Variants in KHDRBS3 observed in about 807,000 individuals in gnomAD.
KHDRBS3 encodes KH domain-containing, RNA-binding, signal transduction-associated protein 3.
KHDRBS3 carries 23 observed loss-of-function variants against 45.6 expected under a neutral mutation model. The observed-to-expected ratio is 0.50, with a 90% CI of 0.36 to 0.72. The LOEUF (loss-of-function observed/expected upper bound fraction) is 0.72. Ranked by LOEUF, KHDRBS3 falls within the 30% of genes least tolerant of loss-of-function variation. KHDRBS3 has a pLI of 0.00. For synonymous variants in KHDRBS3, 162 were observed against 156.5 expected, an observed-to-expected ratio of 1.04 and a Z score of -0.26; for missense variants, 352 against 424.8, an observed-to-expected ratio of 0.83 and a Z score of 1.51.
intron 2 of KHDRBS3, among the ~76,000 whole-genome samples, chr8:135,529,410 C>A (rs1263895028): frequency 6.6e-5 from 10 of 152,166 alleles, no homozygotes. Flanking sequence ...GAATTAAAAT[C>A]TTAACGTTTG....
rs186386214 is a variant in KHDRBS3 at position 135,509,866 on chromosome 8, G to T, written c.89-11371G>T. 2.0e-5 allele frequency among the ~76,000 whole-genome samples: 3 copies of T among 151,670 alleles called. No individual in the cohort carries two copies. The East Asian group carries it at 5.8e-4, about 29-fold the overall frequency. On this transcript the variant is annotated intron_variant, in intron 1 of 8. Transcript: ENST00000355849. ...GAATTTTTAAATGTATCTGGATTTGGTTCTCTGGAATCATTTTGGTGTCAC... is the reference window on the plus strand; with the variant it reads ...GAATTTTTAAATGTATCTGGATTTGTTTCTCTGGAATCATTTTGGTGTCAC...
chr8:135,642,926 GGGA>G (rs1831125210), intron 7 of KHDRBS3, among the ~76,000 whole-genome samples: 1 of 151,922 alleles, frequency 6.6e-6, no homozygotes, highest in African/African-American at 2.4e-5. Flanking sequence ...CCAAGTAGCT[GGGA>G]CTACAGACGT....
At chr8:135,528,254 A>T (rs1486695906) in intron 2 of KHDRBS3, among the ~76,000 whole-genome samples, 3 of 152,184 alleles carry the variant, frequency 2.0e-5, no homozygotes, top group African/African-American at 7.2e-5. Context: ...AGGATCTTTG[A>T]GAGATAAAAC....
chr8:135,487,602 T>C (rs935333233), intron 1 of KHDRBS3, among the ~76,000 whole-genome samples: 1 of 152,134 alleles, frequency 6.6e-6, no homozygotes, highest in Admixed American at 6.5e-5. Context: ...GTCATGGATA[T>C]GTTTGGAGGG....
chr8:135,586,681 C>G (rs1163613065), intron 6 of KHDRBS3, among the ~76,000 whole-genome samples: 1 of 152,116 alleles, frequency 6.6e-6, no homozygotes, highest in Non-Finnish European at 1.5e-5. Context: ...CTTTGGAACT[C>G]AGAAACGTAA....
At position 135,492,121 on chromosome 8, in the gene KHDRBS3, G is replaced by A. The variant is rs1014533511; in HGVS notation, c.89-29116G>A. 8.6e-5 allele frequency among the ~76,000 whole-genome samples: 13 copies of A among 151,970 alleles called. 1 individual carries two copies. Among genetic ancestry groups the A allele is most frequent in the Admixed American group, 8.5e-4 (13 of 15,260 alleles). Reference sequence around the variant, plus strand: ...AGTACTAGATAGTTGTCTCAAGGAAGGTATCAAATAGAATGCTGATAATTG... The same window carrying A: ...AGTACTAGATAGTTGTCTCAAGGAAAGTATCAAATAGAATGCTGATAATTG... On this transcript the variant is annotated intron_variant, in intron 1 of 8. Coordinates refer to ENST00000355849, the MANE Select transcript of KHDRBS3 (RefSeq NM_006558.3).
chr8:135,625,440 T>C, intron 7 of KHDRBS3: 1 of 773,238 alleles, frequency 1.3e-6, no homozygotes, highest in South Asian at 1.4e-5. Flanking sequence ...CACCAGGGTC[T>C]TTCACACCAC....
intron 1 of KHDRBS3, among the ~76,000 whole-genome samples, chr8:135,496,816 C>T (rs1394047408): frequency 6.6e-6 from 1 of 152,224 alleles, no homozygotes; most frequent in South Asian, 2.1e-4. Context: ...GCTGGGAACT[C>T]AGCTGGGAGC....
intron 1 of KHDRBS3, among the ~76,000 whole-genome samples, chr8:135,502,616 G>A (rs1334666241): frequency 6.6e-6 from 1 of 152,116 alleles, no homozygotes; most frequent in Non-Finnish European, 1.5e-5. Flanking sequence ...TGAGAATAGG[G>A]TCGGCATCAT....
chr8:135,609,921 C>T lies in KHDRBS3; in HGVS notation c.890+2884C>T, dbSNP rs967818723. Among the ~76,000 whole-genome samples the T allele has an allele frequency of 2.0e-5, 3 of 151,818 alleles. 1 individual carries two copies. The highest frequency in any genetic ancestry group is 7.3e-5 in the African/African-American group (3 of 41,114). ...TTGAGTTTTTAATGTGTTTCAGATACTATGCTAAATGCTTTTTGTATTTGA... is the reference window on the plus strand; with the variant it reads ...TTGAGTTTTTAATGTGTTTCAGATATTATGCTAAATGCTTTTTGTATTTGA... On this transcript the variant is annotated intron_variant, in intron 7 of 8. Coordinates refer to ENST00000355849, the MANE Select transcript of KHDRBS3 (RefSeq NM_006558.3).
intron 5 of KHDRBS3, among the ~76,000 whole-genome samples, chr8:135,580,316 A>G (rs948470063): frequency 8.5e-5 from 13 of 152,238 alleles, no homozygotes; most frequent in African/African-American, 2.9e-4. Flanking sequence ...AAGATTATAG[A>G]GAACTGGTAT....
intron 6 of KHDRBS3, among the ~76,000 whole-genome samples, chr8:135,603,829 T>C (rs763870151): frequency 6.6e-6 from 1 of 152,292 alleles, no homozygotes; most frequent in Non-Finnish European, 1.5e-5. Context: ...AGACTTACGG[T>C]CTATCCTGAA....
intron 1 of KHDRBS3, among the ~76,000 whole-genome samples, chr8:135,480,928 C>T (rs1180845909): frequency 6.6e-6 from 1 of 151,938 alleles, no homozygotes; most frequent in Non-Finnish European, 1.5e-5. Flanking sequence ...TTTGTCTGTC[C>T]TGTCTTTACA....
intron 3 of KHDRBS3, among the ~76,000 whole-genome samples, chr8:135,546,743 G>T (rs965104905): frequency 2.0e-5 from 3 of 152,150 alleles, no homozygotes; most frequent in African/African-American, 4.8e-5. Context: ...TGAGGGTAAT[G>T]TAATCTGCCC....
chr8:135,582,988 T>C (rs1828289138), intron 6 of KHDRBS3, among the ~76,000 whole-genome samples: 1 of 152,204 alleles, frequency 6.6e-6, no homozygotes, highest in Admixed American at 6.5e-5. Context: ...TCCCTGAACA[T>C]TCTGTGTCAT....
intron 1 of KHDRBS3, among the ~76,000 whole-genome samples, chr8:135,485,870 T>TA (rs1554615398): frequency 9.6e-6 from 1 of 104,658 alleles, no homozygotes; most frequent in Non-Finnish European, 1.9e-5. Flanking sequence ...ATATATATAT[T>TA]TTATTTTTCT....
At chr8:135,643,862 G>A (rs1831172299) in intron 7 of KHDRBS3, among the ~76,000 whole-genome samples, 1 of 152,236 alleles carries the variant, frequency 6.6e-6, no homozygotes, top group Admixed American at 6.5e-5. Context: ...CGGGGGTGAT[G>A]TGGGATCTCA....
At position 135,647,025 on chromosome 8, in the gene KHDRBS3, G is replaced by A; in HGVS notation, c.982G>A (p.Ala328Thr). The A allele has an allele frequency of 6.2e-7, 1 of 1,608,840 alleles. No individual in the cohort carries two copies. The highest frequency in any genetic ancestry group is 1.1e-5 in the South Asian group (1 of 90,954). ...QEEWTNSRHK[A>T]PSARTAKGVY... ...AGAGTGGACTAACTCAAGACACAAG[G>A]CACCTTCAGCGAGGACAGCAAAGGG... The change falls in exon 9 of 9, where the codon GCA becomes ACA. Residue 328 changes from alanine (A) to threonine (T), a missense_variant. By Grantham distance (58) the Ala-to-Thr change is moderately conservative. This residue lies in a region of KHDRBS3 where 212 missense variants were observed against 209.6 expected (regional missense o/e 1.01). Coordinates refer to ENST00000355849, the MANE Select transcript of KHDRBS3 (RefSeq NM_006558.3).
intron 5 of KHDRBS3, among the ~76,000 whole-genome samples, chr8:135,578,379 A>C (rs1828045537): frequency 6.6e-6 from 1 of 150,810 alleles, no homozygotes; most frequent in African/African-American, 2.4e-5. Context: ...TTTAAGATAC[A>C]TTTTGAGTTG....
Sources: allele counts gnomAD v4.1 joint callset (sites outside exome capture counted in the v4.1 genomes callset), GRCh38; gene constraint gnomAD v4.1.1; regional missense constraint gnomAD v4.1.1; transcripts MANE v1.5; gene names NCBI Gene and HGNC (gene_info 2026-07-23, HGNC 2026-07-21).